CTNNA2: variants seen among roughly 807,000 people sequenced by gnomAD.
The protein encoded by CTNNA2 is catenin alpha-2.
Under a neutral mutation model 101.0 loss-of-function variants are expected in CTNNA2, and 42 were observed. That is an observed-to-expected ratio of 0.42 (90% confidence interval 0.32 to 0.54). CTNNA2 has a LOEUF of 0.54. Ranked by LOEUF, CTNNA2 falls within the 20% of genes least tolerant of loss-of-function variation. The pLI, the probability that CTNNA2 is intolerant of heterozygous loss-of-function variation, is 0.14. For missense variants in CTNNA2, 871 were observed against 1,223.1 expected, an observed-to-expected ratio of 0.71 and a Z score of 4.29; for synonymous variants, 450 against 456.4, an observed-to-expected ratio of 0.99 and a Z score of 0.18.
At chr2:80,375,054 C>T (rs1436382020) in intron 7 of CTNNA2, among the ~76,000 whole-genome samples, 2 of 152,120 alleles carry the variant, frequency 1.3e-5, no homozygotes, top group Non-Finnish European at 2.9e-5. Context: ...CCACCCCAGG[C>T]GAGCACAGAT....
At chr2:79,883,437 A>G (rs1683599511) in intron 6 of CTNNA2, among the ~76,000 whole-genome samples, 3 of 152,208 alleles carry the variant, frequency 2.0e-5, no homozygotes, top group South Asian at 2.1e-4. Context: ...ACAACTTGCA[A>G]CTGTCAAGAG....
chr2:79,265,791 A>T lies in CTNNA2; in HGVS notation c.-405-46918A>T, dbSNP rs79393485. Among the ~76,000 whole-genome samples, 307 of 152,302 alleles carry T rather than the reference A, an allele frequency of 2.0e-3. 1 individual carries two copies. The highest frequency in any genetic ancestry group is 7.2e-3 in the African/African-American group (298 of 41,580). ...ATTATTAGCATTGTAAGTCAGAGAGATATTTAAGACAGTCAGTCTGGATTT... is the reference window on the plus strand; with the variant it reads ...ATTATTAGCATTGTAAGTCAGAGAGTTATTTAAGACAGTCAGTCTGGATTT... On this transcript the variant is annotated intron_variant, in intron 2 of 21. Coordinates refer to the CTNNA2 transcript ENST00000466387.
intron 7 of CTNNA2, among the ~76,000 whole-genome samples, chr2:80,225,278 C>CT (rs1460232178): frequency 6.6e-6 from 1 of 152,162 alleles, no homozygotes; most frequent in Non-Finnish European, 1.5e-5. Context: ...CCCGATTGCC[C>CT]TTTTCTCAAC....
intron 3 of CTNNA2, among the ~76,000 whole-genome samples, chr2:79,364,070 A>G (rs1033944450): frequency 6.6e-6 from 1 of 152,194 alleles, no homozygotes; most frequent in East Asian, 1.9e-4. Context: ...ATAGCAAATC[A>G]TGTGTATTAA....
At chr2:79,983,424 G>C (rs1036039667) in intron 7 of CTNNA2, among the ~76,000 whole-genome samples, 2 of 152,052 alleles carry the variant, frequency 1.3e-5, no homozygotes, top group African/African-American at 4.8e-5. Context: ...GACCCAGTGC[G>C]ACAGTACAGA....
chr2:79,597,099 A>G (rs1444587126), intron 1 of CTNNA2, among the ~76,000 whole-genome samples: 1 of 152,230 alleles, frequency 6.6e-6, no homozygotes, highest in Non-Finnish European at 1.5e-5. Flanking sequence ...TTCACAAAAT[A>G]AACTGTACGT....
chr2:79,637,386 T>C (rs1048518971), intron 1 of CTNNA2, among the ~76,000 whole-genome samples: 79 of 151,800 alleles, frequency 5.2e-4, no homozygotes, highest in African/African-American at 1.9e-3. Context: ...TGGGAAGGAG[T>C]TAAGGGTAGA....
chr2:79,732,042 T>A (rs908934604), intron 2 of CTNNA2, among the ~76,000 whole-genome samples: 1 of 152,060 alleles, frequency 6.6e-6, no homozygotes, highest in Non-Finnish European at 1.5e-5. Context: ...TCTACCTGTT[T>A]TTGTAAGCTT....
chr2:80,091,490 G>A (rs144224068), intron 7 of CTNNA2, among the ~76,000 whole-genome samples: 2 of 152,070 alleles, frequency 1.3e-5, no homozygotes, highest in African/African-American at 2.4e-5. Flanking sequence ...TTGTAAAAAC[G>A]ATTAGAGAAT....
At chr2:80,545,840 T>A in intron 10 of CTNNA2, 67 bp from the exon 11 acceptor site, 1 of 1,550,430 alleles carries the variant, frequency 6.4e-7, no homozygotes, top group Non-Finnish European at 8.8e-7. Flanking sequence ...TAACATGGTC[T>A]TTGACCGGCT....
At chr2:79,243,587 C>A (rs756032131) in intron 2 of CTNNA2, among the ~76,000 whole-genome samples, 5 of 152,136 alleles carry the variant, frequency 3.3e-5, no homozygotes, top group Non-Finnish European at 7.3e-5. Flanking sequence ...GGTGAAAACA[C>A]AAATACGTTT....
intron 2 of CTNNA2, among the ~76,000 whole-genome samples, chr2:79,292,027 G>C (rs1675834525): frequency 6.6e-6 from 1 of 152,108 alleles, no homozygotes; most frequent in Non-Finnish European, 1.5e-5. Flanking sequence ...CTGTGGGGGT[G>C]GTTGATTGGC....
intron 7 of CTNNA2, among the ~76,000 whole-genome samples, chr2:80,137,481 TCTC>T (rs766512289): frequency 1.2e-4 from 18 of 151,962 alleles, no homozygotes; most frequent in Admixed American, 2.0e-4. Flanking sequence ...ATTTAAAAAA[TCTC>T]CTTGAATTCC....
intron 12 of CTNNA2, among the ~76,000 whole-genome samples, chr2:80,566,782 T>C (rs2149685926): frequency 6.6e-6 from 1 of 152,286 alleles, no homozygotes; most frequent in Admixed American, 6.5e-5. Flanking sequence ...ACAAAGCTGG[T>C]ACATAATTCA....
At chr2:79,476,959 C>A (rs180703802) in intron 4 of CTNNA2, among the ~76,000 whole-genome samples, 12 of 152,212 alleles carry the variant, frequency 7.9e-5, no homozygotes, top group African/African-American at 1.2e-4. Flanking sequence ...GCCTTTACTT[C>A]ATATGACCTT....
chr2:79,686,807 T>A (rs932632906), intron 2 of CTNNA2, among the ~76,000 whole-genome samples: 2 of 152,010 alleles, frequency 1.3e-5, no homozygotes, highest in African/African-American at 4.8e-5. Flanking sequence ...GGTGTCCCAA[T>A]TTGAAAAAAA....
At chr2:79,691,842 C>T (rs899626337) in intron 2 of CTNNA2, among the ~76,000 whole-genome samples, 3 of 152,000 alleles carry the variant, frequency 2.0e-5, no homozygotes, top group Non-Finnish European at 1.5e-5. Context: ...GAAACTGGAC[C>T]CCTTCCTTAC....
At chr2:79,361,719 G>A (rs1010105611) in intron 3 of CTNNA2, among the ~76,000 whole-genome samples, 10 of 152,144 alleles carry the variant, frequency 6.6e-5, no homozygotes, top group Non-Finnish European at 1.5e-4. Flanking sequence ...TGAGGAGCAA[G>A]GGGAGCCAGT....
chr2:79,830,696 G>T (rs993309320), intron 3 of CTNNA2, among the ~76,000 whole-genome samples: 15 of 152,158 alleles, frequency 9.9e-5, no homozygotes, highest in African/African-American at 3.4e-4. Flanking sequence ...GAGAAAGCTG[G>T]AGCTCCCGGC....
Sources: allele counts gnomAD v4.1 joint callset (sites outside exome capture counted in the v4.1 genomes callset), GRCh38; gene constraint gnomAD v4.1.1; transcripts MANE v1.5; gene names NCBI Gene and HGNC (gene_info 2026-07-23, HGNC 2026-07-21).